Variants in FBRSL1 observed in about 807,000 individuals in gnomAD.
The protein encoded by FBRSL1 is fibrosin like 1, also known as fibrosin-1-like protein.
A neutral mutation model predicts 89.6 loss-of-function variants in FBRSL1; 51 were observed. The ratio of observed to expected loss-of-function variants is 0.57; its 90% CI spans 0.45 to 0.72. The LOEUF is 0.72. Ranked by LOEUF, FBRSL1 falls within the 30% of genes least tolerant of loss-of-function variation. The probability of loss-of-function intolerance (pLI) is 0.00; values close to 1 mark genes in which losing one functional copy is unlikely to be tolerated. For missense variants in FBRSL1, 1,618 were observed against 1,451.8 expected, an observed-to-expected ratio of 1.11 and a Z score of -1.86; for synonymous variants, 779 against 681.1, an observed-to-expected ratio of 1.14 and a Z score of -2.24.
chr12:132,551,598 C>T (rs1481388469), intron 5 of FBRSL1: 3 of 456,124 alleles, frequency 6.6e-6, no homozygotes, highest in African/African-American at 6.0e-5. Flanking sequence ...CCAGCCACCC[C>T]TTGGGGACTC....
At chr12:132,560,783 C>T (rs1214301433) in intron 5 of FBRSL1, among the ~76,000 whole-genome samples, 1 of 152,226 alleles carries the variant, frequency 6.6e-6, no homozygotes, top group East Asian at 1.9e-4. Flanking sequence ...CCGGAGTCCT[C>T]CCACCTGTAC....
intron 4 of FBRSL1, among the ~76,000 whole-genome samples, chr12:132,543,037 C>T (rs369930027): frequency 1.3e-5 from 2 of 152,134 alleles, no homozygotes; most frequent in African/African-American, 2.4e-5. Context: ...CCAGGCTCTT[C>T]GGGTAGCAAG....
chr12:132,498,321 C>T (rs2032394054), intron 1 of FBRSL1, among the ~76,000 whole-genome samples: 1 of 152,166 alleles, frequency 6.6e-6, no homozygotes, highest in Admixed American at 6.5e-5. Flanking sequence ...CTGCGGGACC[C>T]ACAGGCCCCC....
intron 2 of FBRSL1, chr12:132,510,390 C>A (rs1353935571): frequency 8.1e-7 from 1 of 1,231,796 alleles, no homozygotes; most frequent in Non-Finnish European, 1.0e-6. Flanking sequence ...CCGGTGGACC[C>A]GATCCTGTGC....
At chr12:132,554,035 C>T (rs1026725417) in intron 5 of FBRSL1, 6 of 152,288 alleles carry the variant, frequency 3.9e-5, no homozygotes, top group African/African-American at 1.4e-4. Context: ...CCCGTGATGT[C>T]CCCGTCACAG....
Position 132,546,333 on chromosome 12 carries a change from ACCTGCAG to A in FBRSL1, c.616-1666_616-1660del, listed in dbSNP as rs1400782011. 6.6e-6 allele frequency among the ~76,000 whole-genome samples: 1 copy of A among 152,204 alleles called. No homozygotes were observed. The highest frequency in any genetic ancestry group is 1.5e-5 in the Non-Finnish European group (1 of 68,034). The stretch of plus-strand genomic sequence containing the variant: ...TGGCCCAGCCCTTGGTGAGCTCCGC[ACCTGCAG>A]CCTCCGGGGCGGGATGGGCCCGGTT... On this transcript the variant is annotated intron_variant, in intron 4 of 18. Coordinates refer to ENST00000680143, the MANE Select transcript of FBRSL1 (RefSeq NM_001367871.1). This position sits in a 1 kb window ranked among gnomAD's most constrained non-coding sequence, Gnocchi z 4.0.
At chr12:132,534,398 C>G (rs900259684) in intron 4 of FBRSL1, among the ~76,000 whole-genome samples, 1 of 152,264 alleles carries the variant, frequency 6.6e-6, no homozygotes, top group African/African-American at 2.4e-5. Flanking sequence ...ATGAGGAGAC[C>G]TCGCCTCCAT....
At chr12:132,510,741 A>T in intron 2 of FBRSL1, 2 of 1,200,696 alleles carry the variant, frequency 1.7e-6, no homozygotes, top group South Asian at 4.3e-5. Context: ...CACTGGCGTC[A>T]CAGTGCCCCC....
Position 132,499,049 on chromosome 12 carries a change from C to T in FBRSL1, c.291+8188C>T, listed in dbSNP as rs1426254211. ...GGGTACCTGCCACCTCTGCTGTCCC[C>T]TGGGACAGTGCTCTGCAAGGCCTCC... On this transcript the variant is annotated intron_variant, in intron 1 of 18. Coordinates refer to ENST00000680143, the MANE Select transcript of FBRSL1 (RefSeq NM_001367871.1). The surrounding 1 kb of genome is among the most constrained non-coding windows in gnomAD (Gnocchi z 4.3). Among the ~76,000 whole-genome samples the T allele has an allele frequency of 6.6e-6, 1 of 152,264 alleles. No homozygotes were observed. Among genetic ancestry groups the T allele is most frequent in the Non-Finnish European group, 1.5e-5 (1 of 68,046 alleles).
At chr12:132,510,038 C>T (rs1174667027) in intron 2 of FBRSL1, 25 of 1,231,484 alleles carry the variant, frequency 2.0e-5, no homozygotes, top group East Asian at 3.2e-5. Flanking sequence ...CAGAGCAGCC[C>T]GGCCCACTCA....
chr12:132,515,049 A>G (rs898149529), intron 2 of FBRSL1, among the ~76,000 whole-genome samples: 1 of 152,162 alleles, frequency 6.6e-6, no homozygotes, highest in Non-Finnish European at 1.5e-5. Context: ...TGGGGGGTCC[A>G]GAACAATATA....
intron 4 of FBRSL1, 93 bp from the exon 5 acceptor site, chr12:132,547,910 A>AC (rs1232694394): frequency 5.0e-6 from 7 of 1,391,486 alleles, no homozygotes; most frequent in Non-Finnish European, 6.9e-6. Context: ...GGGCCGCCCC[A>AC]CCCGTGCCCC....
intron 5 of FBRSL1, chr12:132,566,135 C>T (rs566768389): frequency 2.0e-5 from 3 of 152,242 alleles, no homozygotes; most frequent in Non-Finnish European, 4.4e-5. Context: ...TGCTGGAGGC[C>T]GCAAGCAGGT....
At chr12:132,563,712 C>CTACGTCTGTACACT (rs2039337227) in intron 5 of FBRSL1, among the ~76,000 whole-genome samples, 1 of 144,642 alleles carries the variant, frequency 6.9e-6, no homozygotes, top group African/African-American at 2.5e-5. Context: ...GACTGTATAC[C>CTACGTCTGTACACT]CACCCCCGTC....
chr12:132,505,623 C>G (rs997625771), intron 1 of FBRSL1, among the ~76,000 whole-genome samples: 1 of 152,198 alleles, frequency 6.6e-6, no homozygotes, highest in African/African-American at 2.4e-5. Context: ...GACTGAGCGA[C>G]TGGGCAGAGT....
chr12:132,518,358 A>G (rs1464360434), intron 2 of FBRSL1, among the ~76,000 whole-genome samples: 7 of 140,948 alleles, frequency 5.0e-5, no homozygotes, highest in Admixed American at 4.9e-4. Flanking sequence ...TTCATCATCC[A>G]CTCATCTGTA....
chr12:132,532,497 AG>A (rs1198643135), intron 4 of FBRSL1, among the ~76,000 whole-genome samples: 1 of 151,936 alleles, frequency 6.6e-6, no homozygotes, highest in Non-Finnish European at 1.5e-5. Flanking sequence ...CAGCCCCCCC[AG>A]GCCCTTCCTG....
chr12:132,530,714 G>C (rs2036187897), intron 4 of FBRSL1, among the ~76,000 whole-genome samples: 3 of 145,312 alleles, frequency 2.1e-5, no homozygotes, highest in Admixed American at 1.4e-4. Context: ...ATGGCGGGGT[G>C]GGGGGTGGGG....
chr12:132,533,263 CAGAG>C (rs1188336994), intron 4 of FBRSL1, among the ~76,000 whole-genome samples: 1 of 143,434 alleles, frequency 7.0e-6, no homozygotes, highest in Non-Finnish European at 1.5e-5. Context: ...TCCCTGGAGT[CAGAG>C]AGCCTCAGTC....
Sources: allele counts gnomAD v4.1 joint callset (sites outside exome capture counted in the v4.1 genomes callset), GRCh38; gene constraint gnomAD v4.1.1; non-coding constraint Gnocchi (gnomAD v3.1); transcripts MANE v1.5; gene names NCBI Gene and HGNC (gene_info 2026-07-23, HGNC 2026-07-21).